Variants in PHF10 observed in about 807,000 individuals in gnomAD.
PHF10 encodes PHD finger protein 10, also known as BRG1-associated factor 45a.
A neutral mutation model predicts 68.5 loss-of-function variants in PHF10; 51 were observed. The ratio of observed to expected loss-of-function variants is 0.74; its 90% CI spans 0.59 to 0.94. The LOEUF (loss-of-function observed/expected upper bound fraction) is 0.94, where lower values mean the gene tolerates loss of function less well. Ranked by LOEUF, PHF10 falls within the 40% of genes least tolerant of loss-of-function variation. PHF10 has a pLI of 0.00. For missense variants in PHF10, 460 were observed against 602.6 expected (o/e 0.76, Z 2.48); for synonymous variants, 204 against 203.5 (o/e 1.00, Z -0.02).
intron 6 of PHF10, 45 bp from the exon 7 acceptor site, chr6:169,714,887 A>G: frequency 4.0e-6 from 4 of 1,006,228 alleles, no homozygotes; most frequent in Non-Finnish European, 6.4e-6. Context: ...CCATGCTAAG[A>G]ATCAAGGCTT....
In PHF10 at chr6:169,721,631, A is replaced by G. The variant is rs1162227114; in HGVS notation, c.88-520T>C. ...AATAAGGGTCATCAATCTATAATATAGCAGCACACACACCAAAAAAAGAAG... is the reference window on the plus strand; with the variant it reads ...AATAAGGGTCATCAATCTATAATATGGCAGCACACACACCAAAAAAAGAAG... On this transcript the variant is annotated intron_variant, in intron 1 of 11. Coordinates refer to ENST00000339209, the MANE Select transcript of PHF10 (RefSeq NM_018288.4). Among the ~76,000 whole-genome samples the G allele has an allele frequency of 2.6e-5, 4 of 152,290 alleles. No homozygotes were observed. In the South Asian group the frequency reaches 6.2e-4, roughly 24 times the overall value.
intron 1 of PHF10, 34 bp downstream of exon 1, chr6:169,723,811 G>A (rs978529941): frequency 6.6e-6 from 5 of 757,174 alleles, no homozygotes; most frequent in Non-Finnish European, 8.6e-6. Flanking sequence ...CCCGGGACGG[G>A]GTCAGGGTCG....
chr6:169,723,005 T>C (rs891156145), intron 1 of PHF10, among the ~76,000 whole-genome samples: 13 of 152,172 alleles, frequency 8.5e-5, no homozygotes, highest in African/African-American at 2.9e-4. Context: ...CACAGCACGG[T>C]GGACGTGCGC....
At chr6:169,711,624 C>T (rs1003477853) in intron 8 of PHF10, among the ~76,000 whole-genome samples, 1 of 152,152 alleles carries the variant, frequency 6.6e-6, no homozygotes, top group African/African-American at 2.4e-5. Flanking sequence ...AGCAACATGA[C>T]AGGAGAAAAG....
intron 4 of PHF10, among the ~76,000 whole-genome samples, 184 bp from the exon 5 acceptor site, chr6:169,716,272 A>C (rs1293257857): frequency 6.6e-6 from 1 of 152,204 alleles, no homozygotes; most frequent in Non-Finnish European, 1.5e-5. Context: ...AACTCGAGCA[A>C]TCAAAAGATT....
At chr6:169,712,358 G>A (rs371039570) in intron 8 of PHF10, 28 bp downstream of exon 8, 1 of 1,595,830 alleles carries the variant, frequency 6.3e-7, no homozygotes, top group African/African-American at 1.3e-5. Flanking sequence ...GAAAGGAAAT[G>A]CTTCCTACTA....
chr6:169,723,216 T>C (rs1789224045), intron 1 of PHF10, among the ~76,000 whole-genome samples: 1 of 152,196 alleles, frequency 6.6e-6, no homozygotes. Context: ...CAACTTTCTG[T>C]CACAAACTGC....
Position 169,721,038 on chromosome 6 carries a change from G to C in PHF10, c.161C>G (p.Ser54Cys). Residue 54 changes from serine (S) to cysteine (C), a missense_variant, in exon 2 of 12, where the codon TCT becomes TGT. Physicochemically the swap from Ser to Cys is moderately radical, Grantham distance 112 (BLOSUM62 -1). This residue lies in a region of PHF10 where 93 missense variants were observed against 82.4 expected (regional missense o/e 1.13). Coordinates refer to ENST00000339209, the MANE Select transcript of PHF10 (RefSeq NM_018288.4). ...TTGACTTGAAGTTTCACAACTCCTA[G>C]AACTATCTCCTGAGCCCATTCGCCT... ...KRRRMGSGDS[S>C]RSCETSSQDL... 6.5e-7 allele frequency: 1 copy of C among 1,546,046 alleles called. No homozygotes were observed. Among genetic ancestry groups the C allele is most frequent in the Non-Finnish European group, 8.7e-7 (1 of 1,143,940 alleles).
In PHF10 at chr6:169,715,698, G is replaced by C. The variant is rs745655775; in HGVS notation, c.693+10C>G. ...TAAGTTCAGGGGGTACTAAATTTAA[G>C]TTATCCTACATGTGTCTGCAAGTCA... On this transcript the variant is annotated intron_variant, in intron 6 of 11. Coordinates refer to ENST00000339209, the MANE Select transcript of PHF10 (RefSeq NM_018288.4). The C allele has an allele frequency of 3.7e-6, 6 of 1,608,100 alleles. No homozygotes were observed. Among genetic ancestry groups the C allele is most frequent in the Non-Finnish European group, 4.2e-6 (5 of 1,177,550 alleles).
intron 11 of PHF10, 48 bp downstream of exon 11, chr6:169,705,085 A>G (rs762458949): frequency 4.3e-6 from 6 of 1,401,046 alleles, no homozygotes; most frequent in Non-Finnish European, 4.9e-6. Context: ...GAGTGCTGGG[A>G]GAGTCTCATC....
chr6:169,713,932 G>C (rs1382992335), intron 7 of PHF10, among the ~76,000 whole-genome samples: 1 of 152,088 alleles, frequency 6.6e-6, no homozygotes, highest in Non-Finnish European at 1.5e-5. Flanking sequence ...GAGCATCCTG[G>C]CCAACATGGT....
rs1281051433 is a variant in PHF10 at position 169,724,046 on chromosome 6, CCCCGCCCCCTCCG to C, written c.-128_-116del. 6.8e-6 allele frequency: 1 copy of C among 147,898 alleles called. No individual in the cohort carries two copies. The highest frequency in any genetic ancestry group is 1.4e-5 in the Non-Finnish European group (1 of 69,888). The allele number at this position is 147,898 out of a possible 1,614,324, so 9.2% of individuals were successfully genotyped here. On this transcript the variant is annotated 5_prime_UTR_variant, in exon 1 of 12. Coordinates refer to ENST00000339209, the MANE Select transcript of PHF10 (RefSeq NM_018288.4). ...CCGCGCGGGCCCCCCGCCGCCCCGG[CCCCGCCCCCTCCG>C]CCCGCCCGCCCGGGGGCCGGCCCCT...
intron 9 of PHF10, chr6:169,707,159 A>G (rs1356992013): frequency 6.6e-6 from 1 of 152,194 alleles, no homozygotes; most frequent in African/African-American, 2.4e-5. Context: ...AAACATACAT[A>G]TAAAACTTTA....
chr6:169,720,978 T>G (rs1228237686), intron 2 of PHF10, 27 bp downstream of exon 2: 2 of 1,255,824 alleles, frequency 1.6e-6, no homozygotes, highest in Admixed American at 2.0e-5. Context: ...TCACAAAAAA[T>G]ATTAATAACC....
Position 169,716,039 on chromosome 6 carries a change from T to G in PHF10, c.459A>C (p.Glu153Asp). ...SDEVIDLMIK[E>D]YPAKHAEYSV... Reference sequence around the variant, plus strand: ...AATACTCAGCATGTTTGGCTGGATATTCTTTTATCATTAAATCAATCACTT... The same window carrying G: ...AATACTCAGCATGTTTGGCTGGATAGTCTTTTATCATTAAATCAATCACTT... Residue 153 changes from glutamate (E) to aspartate (D), a missense_variant, in exon 5 of 12, where the codon GAA becomes GAC. Physicochemically the swap from Glu to Asp is conservative, Grantham distance 45. Coordinates refer to ENST00000339209, the MANE Select transcript of PHF10 (RefSeq NM_018288.4). 6.2e-7 allele frequency: 1 copy of G among 1,609,704 alleles called. No individual in the cohort carries two copies.
intron 1 of PHF10, among the ~76,000 whole-genome samples, chr6:169,722,861 G>A (rs1045828080): frequency 6.6e-6 from 1 of 152,206 alleles, no homozygotes; most frequent in African/African-American, 2.4e-5. Context: ...ATGCACTCAG[G>A]GGGCACTGGC....
chr6:169,716,843 C>A (rs1465706415), intron 4 of PHF10, among the ~76,000 whole-genome samples: 1 of 152,154 alleles, frequency 6.6e-6, no homozygotes, highest in Non-Finnish European at 1.5e-5. Flanking sequence ...CTCAGCCTCC[C>A]AAGTAGCTGG....
chr6:169,710,528 T>C (rs1788904500), intron 8 of PHF10, 137 bp from the exon 9 acceptor site: 1 of 690,830 alleles, frequency 1.4e-6, no homozygotes, highest in African/African-American at 1.8e-5. Flanking sequence ...ATTCTAAATG[T>C]AAGAAAGCTT....
At chr6:169,706,278 C>T (rs1049105960) in intron 9 of PHF10, among the ~76,000 whole-genome samples, 4 of 151,896 alleles carry the variant, frequency 2.6e-5, no homozygotes, top group Non-Finnish European at 4.4e-5. Flanking sequence ...CATACATTGG[C>T]GTGTACATAA....
Sources: gnomAD v4.1 joint callset for allele counts (sites outside exome capture counted in the v4.1 genomes callset) on GRCh38, gnomAD v4.1.1 for gene constraint, gnomAD v4.1.1 regional missense constraint, MANE v1.5 for transcripts, NCBI Gene and HGNC (gene_info 2026-07-23, HGNC 2026-07-21) for gene names.